The following CDKN2B-AS1 variants were observed in gnomAD, a reference collection of about 807,000 sequenced individuals.
CDKN2B-AS1 encodes the protein CDKN2B antisense RNA 1 (non-protein coding).
chr9:22,008,972 G>C (rs373722871), intron 1 of CDKN2B-AS1: 1 of 1,613,160 alleles, frequency 6.2e-7, no homozygotes, highest in Admixed American at 1.7e-5. Context: ...CCCCAGACGC[G>C]CAGCGGCCCG....
Position 22,064,698 on chromosome 9 carries a change from G to A in CDKN2B-AS1, n.438+8311G>A, listed in dbSNP as rs530121032. On this transcript the variant is annotated intron_variant and non_coding_transcript_variant, in intron 4 of 4. Coordinates refer to ENST00000650946, the Ensembl canonical transcript of CDKN2B-AS1. The stretch of plus-strand genomic sequence containing the variant: ...TTCACTGTGTGGAGCCTGGGGTCTT[G>A]AGGATCTGAACATGGGCTGCCTCCT... 5.9e-5 allele frequency among the ~76,000 whole-genome samples: 9 copies of A among 152,242 alleles called. No individual in the cohort carries two copies. In the South Asian group the frequency reaches 1.9e-3, roughly 32 times the overall value.
chr9:22,005,890 GCC>G lies in CDKN2B-AS1; in HGVS notation n.29+10730_29+10731del. ...AGGCTTGCAGGCTTACAGGCTTTCC[GCC>G]GCTCCCCGTTGGCAGCCTTCATCGA... is the stretch of plus-strand genomic sequence containing the variant. On this transcript the variant is annotated intron_variant and non_coding_transcript_variant, in intron 1 of 4. Coordinates refer to ENST00000650946, the Ensembl canonical transcript of CDKN2B-AS1. The surrounding 1 kb of genome is among the most constrained non-coding windows in gnomAD (Gnocchi z 4.9). 1 of 1,499,352 alleles carries G rather than the reference GCC, an allele frequency of 6.7e-7. No homozygotes were observed. The highest frequency in any genetic ancestry group is 9.0e-7 in the Non-Finnish European group (1 of 1,110,858). The allele number at this position is 1,499,352 out of a possible 1,614,324, so 92.9% of individuals were successfully genotyped here. A position where few individuals can be genotyped will look rare whatever the true frequency, so the allele number is the denominator to read the frequency against.
intron 1 of CDKN2B-AS1, among the ~76,000 whole-genome samples, chr9:22,041,317 A>G (rs1052852798): frequency 1.3e-5 from 2 of 152,014 alleles, no homozygotes; most frequent in Non-Finnish European, 2.9e-5. Context: ...TGTGTATAAC[A>G]ACAATGAACA....
chr9:22,088,651 A>C (rs1205181280), intron 4 of CDKN2B-AS1, among the ~76,000 whole-genome samples: 2 of 152,216 alleles, frequency 1.3e-5, no homozygotes, highest in East Asian at 3.8e-4. Flanking sequence ...ATTTAAATAC[A>C]CCAAAGTGGA....
chr9:22,093,993 A>C (rs1320178294), intron 4 of CDKN2B-AS1, among the ~76,000 whole-genome samples: 1 of 142,824 alleles, frequency 7.0e-6, no homozygotes, highest in Non-Finnish European at 1.5e-5. Context: ...TTCTTCAGGA[A>C]CTCTTTTAGG....
At chr9:22,052,763 G>A (rs761314937) in intron 3 of CDKN2B-AS1, among the ~76,000 whole-genome samples, 1 of 152,204 alleles carries the variant, frequency 6.6e-6, no homozygotes, top group Admixed American at 6.5e-5. Context: ...GCAACACTTT[G>A]TTAACCTGAA....
At chr9:22,054,153 G>C (rs897970924) in intron 3 of CDKN2B-AS1, among the ~76,000 whole-genome samples, 1 of 152,166 alleles carries the variant, frequency 6.6e-6, no homozygotes, top group Non-Finnish European at 1.5e-5. Context: ...ACAATCCTGT[G>C]AGATAGGTAC....
intron 4 of CDKN2B-AS1, among the ~76,000 whole-genome samples, chr9:22,095,605 C>T (rs879716679): frequency 0.019 from 2,759 of 147,588 alleles, no homozygotes; most frequent in Non-Finnish European, 0.031. Flanking sequence ...CTATTAGGTC[C>T]GCTTGGTGCA....
intron 1 of CDKN2B-AS1, among the ~76,000 whole-genome samples, chr9:22,027,664 A>G (rs1376777054): frequency 6.6e-6 from 1 of 152,202 alleles, no homozygotes; most frequent in Non-Finnish European, 1.5e-5. Flanking sequence ...GCAAATATTT[A>G]TTGAGTGTCT....
exon 5 of CDKN2B-AS1, among the ~76,000 whole-genome samples, chr9:22,127,944 G>C (rs923663330): frequency 6.6e-6 from 1 of 152,088 alleles, no homozygotes; most frequent in Admixed American, 6.6e-5. Flanking sequence ...TGCATAAAAA[G>C]GGTAAGGATG....
intron 1 of CDKN2B-AS1, among the ~76,000 whole-genome samples, chr9:22,034,212 T>A (rs559924638): frequency 2.0e-5 from 3 of 152,222 alleles, no homozygotes; most frequent in Non-Finnish European, 4.4e-5. Flanking sequence ...CATATTAAAA[T>A]TCTATTATTC....
Position 21,999,144 on chromosome 9 carries a change from C to A in CDKN2B-AS1, n.29+3983C>A, listed in dbSNP as rs1820815854. On this transcript the variant is annotated intron_variant and non_coding_transcript_variant, in intron 1 of 4. Coordinates refer to ENST00000650946, the Ensembl canonical transcript of CDKN2B-AS1. This position sits in a 1 kb window ranked among gnomAD's most constrained non-coding sequence, Gnocchi z 4.7. ...ACAAAGTTGTCAGGAAACAATCACT[C>A]TTACTATTACAACTTGGTGTAATTG... Among the ~76,000 whole-genome samples the A allele has an allele frequency of 6.6e-6, 1 of 152,070 alleles. No homozygotes were observed. Among genetic ancestry groups the A allele is most frequent in the Non-Finnish European group, 1.5e-5 (1 of 67,976 alleles).
intron 4 of CDKN2B-AS1, among the ~76,000 whole-genome samples, chr9:22,098,543 G>T (rs1247782668): frequency 1.3e-5 from 2 of 152,068 alleles, no homozygotes; most frequent in African/African-American, 4.8e-5. Context: ...TAGCATGTTT[G>T]CTTTCAGGGT....
At chr9:22,029,382 A>G in intron 1 of CDKN2B-AS1, 1 of 777,220 alleles carries the variant, frequency 1.3e-6, no homozygotes, top group South Asian at 1.3e-5. Context: ...GTCTGAATCT[A>G]ATCACATAGA....
At chr9:22,020,949 T>A (rs1294793407) in intron 1 of CDKN2B-AS1, among the ~76,000 whole-genome samples, 1 of 152,154 alleles carries the variant, frequency 6.6e-6, no homozygotes, top group Non-Finnish European at 1.5e-5. Flanking sequence ...AATCTTTGCC[T>A]GTACCTATGT....
rs1822838102 is a variant in CDKN2B-AS1, at chr9:22,040,068, T to A, written n.30-6683T>A. Among the ~76,000 whole-genome samples the A allele has an allele frequency of 2.0e-5, 3 of 152,118 alleles. No individual in the cohort carries two copies. In the South Asian group the frequency reaches 6.2e-4, roughly 32 times the overall value. ...TTGAATAAATTCTTCCCTGTAGCCT[T>A]GAGGGAGAGGATGGCCCAGCCAACT... On this transcript the variant is annotated intron_variant and non_coding_transcript_variant, in intron 1 of 4. Coordinates refer to ENST00000650946, the Ensembl canonical transcript of CDKN2B-AS1.
chr9:22,089,094 A>T (rs1013765165), intron 4 of CDKN2B-AS1, among the ~76,000 whole-genome samples: 14 of 152,180 alleles, frequency 9.2e-5, no homozygotes, highest in African/African-American at 3.4e-4. Flanking sequence ...ACACCCCCTG[A>T]CATTTTTCTA....
chr9:22,111,818 T>C (rs1202968837), intron 4 of CDKN2B-AS1, among the ~76,000 whole-genome samples: 2 of 152,160 alleles, frequency 1.3e-5, no homozygotes, highest in Non-Finnish European at 2.9e-5. Context: ...GCTGCTATAA[T>C]CAAGATAGCA....
At chr9:22,083,758 A>C (rs961110769) in intron 4 of CDKN2B-AS1, among the ~76,000 whole-genome samples, 3 of 152,180 alleles carry the variant, frequency 2.0e-5, no homozygotes, top group Admixed American at 2.0e-4. Flanking sequence ...GAGGGTAGGT[A>C]AGATGCTGAG....
Sources: allele counts gnomAD v4.1 joint callset (sites outside exome capture counted in the v4.1 genomes callset), GRCh38; gene constraint gnomAD v4.1.1; non-coding constraint Gnocchi (gnomAD v3.1); transcripts MANE v1.5; gene names NCBI Gene and HGNC (gene_info 2026-07-23, HGNC 2026-07-21).